ARHGAP42: variants seen among roughly 807,000 people sequenced by gnomAD.
ARHGAP42 encodes the protein rho GTPase-activating protein 42.
Under a neutral mutation model 125.0 loss-of-function variants are expected in ARHGAP42, and 63 were observed. The observed-to-expected ratio is 0.50, with a 90% CI of 0.41 to 0.62. The LOEUF is 0.62. Ranked by LOEUF, ARHGAP42 falls within the 20% of genes least tolerant of loss-of-function variation. ARHGAP42 has a pLI of 0.00. For synonymous variants in ARHGAP42, 339 were observed against 351.0 expected (o/e 0.97, Z 0.38); for missense variants, 766 against 1,024.2 (o/e 0.75, Z 3.44).
At chr11:100,978,932 A>C (rs762830140) in intron 21 of ARHGAP42, 55 bp from the exon 22 acceptor site, 1 of 1,521,296 alleles carries the variant, frequency 6.6e-7, no homozygotes, top group Non-Finnish European at 8.9e-7. Context: ...TTTCACTTTG[A>C]GCAGAACTGA....
intron 8 of ARHGAP42, 69 bp from the exon 9 acceptor site, chr11:100,941,715 A>C (rs143636655): frequency 0.014 from 13,007 of 907,628 alleles, 111 homozygotes; most frequent in Non-Finnish European, 0.017. Flanking sequence ...ATAGCACTGG[A>C]GAATGTGCAA....
intron 6 of ARHGAP42, among the ~76,000 whole-genome samples, chr11:100,927,047 T>A (rs1867445680): frequency 6.6e-6 from 1 of 152,212 alleles, no homozygotes; most frequent in Admixed American, 6.5e-5. Flanking sequence ...TTGATGCTCT[T>A]CCCTTGGACT....
chr11:100,775,275 T>C (rs923210583), intron 2 of ARHGAP42, among the ~76,000 whole-genome samples: 2 of 152,102 alleles, frequency 1.3e-5, no homozygotes, highest in Non-Finnish European at 2.9e-5. Context: ...AGTACAGTGC[T>C]AGACACGCGG....
chr11:100,882,702 A>T (rs942182536), intron 4 of ARHGAP42, among the ~76,000 whole-genome samples: 1 of 152,008 alleles, frequency 6.6e-6, no homozygotes, highest in Non-Finnish European at 1.5e-5. Context: ...GCCTGATCGA[A>T]TTCAACTGTG....
At chr11:100,720,893 G>A (rs1200056890) in intron 1 of ARHGAP42, among the ~76,000 whole-genome samples, 6 of 151,608 alleles carry the variant, frequency 4.0e-5, no homozygotes, top group Non-Finnish European at 5.9e-5. Context: ...TTTAAAAATA[G>A]AATAATATGG....
chr11:100,866,210 C>G (rs1865566269), intron 4 of ARHGAP42, among the ~76,000 whole-genome samples: 1 of 152,110 alleles, frequency 6.6e-6, no homozygotes, highest in African/African-American at 2.4e-5. Flanking sequence ...GAGATTGCAG[C>G]AATTCAGTCT....
chr11:100,726,145 A>G (rs1313320655), intron 1 of ARHGAP42, among the ~76,000 whole-genome samples: 1 of 152,144 alleles, frequency 6.6e-6, no homozygotes, highest in Non-Finnish European at 1.5e-5. Context: ...AGAAATGAAA[A>G]TAAAAGGTTG....
At chr11:100,978,222 G>A (rs1858440569) in intron 21 of ARHGAP42, among the ~76,000 whole-genome samples, 1 of 152,130 alleles carries the variant, frequency 6.6e-6, no homozygotes, top group Non-Finnish European at 1.5e-5. Context: ...TGATTAAAGT[G>A]TGTGTTCTAT....
chr11:100,970,150 G>T (rs769072828), intron 17 of ARHGAP42, among the ~76,000 whole-genome samples: 1 of 151,902 alleles, frequency 6.6e-6, no homozygotes, highest in Admixed American at 6.6e-5. Context: ...CACCACACCC[G>T]GCTAATTTTG....
intron 4 of ARHGAP42, among the ~76,000 whole-genome samples, chr11:100,875,750 G>A (rs1179024548): frequency 4.6e-5 from 5 of 109,434 alleles, no homozygotes; most frequent in East Asian, 5.4e-4. Flanking sequence ...ACATGGCCAC[G>A]TCCAGGGTGG....
chr11:100,940,870 G>T (rs1437140619), intron 8 of ARHGAP42, among the ~76,000 whole-genome samples: 1 of 152,096 alleles, frequency 6.6e-6, no homozygotes, highest in East Asian at 1.9e-4. Flanking sequence ...AACATCACAT[G>T]TTCCTGCTCA....
intron 1 of ARHGAP42, among the ~76,000 whole-genome samples, chr11:100,728,549 A>G (rs1367873381): frequency 1.3e-5 from 2 of 151,900 alleles, no homozygotes; most frequent in African/African-American, 4.8e-5. Context: ...TATTTGAGGA[A>G]TAATTGTAGC....
intron 1 of ARHGAP42, among the ~76,000 whole-genome samples, chr11:100,731,943 T>C (rs1003346048): frequency 6.8e-6 from 1 of 147,220 alleles, no homozygotes; most frequent in Admixed American, 6.7e-5. Context: ...TATATTTAAC[T>C]CTTTTTTTTT....
intron 12 of ARHGAP42, among the ~76,000 whole-genome samples, chr11:100,951,362 C>A (rs1237690594): frequency 1.3e-5 from 2 of 151,980 alleles, no homozygotes; most frequent in Non-Finnish European, 2.9e-5. Context: ...GATACATTAA[C>A]CAAATGGTGA....
chr11:100,968,506 T>C lies in ARHGAP42; in HGVS notation c.1550+2730T>C, dbSNP rs577573150. Among the ~76,000 whole-genome samples, 129 of 152,266 alleles carry C rather than the reference T, an allele frequency of 8.5e-4. 1 individual carries two copies. In the Middle Eastern group the frequency reaches 0.01, roughly 12 times the overall value. ...TTTACATAATTCTGTTTCCTCTTTC[T>C]CCTTTTTGTGCTATCATTAATAAAC... On this transcript the variant is annotated intron_variant, in intron 17 of 23. Coordinates refer to ENST00000298815, the MANE Select transcript of ARHGAP42 (RefSeq NM_152432.4).
chr11:100,889,201 G>A (rs1247293710), intron 4 of ARHGAP42, among the ~76,000 whole-genome samples: 2 of 152,176 alleles, frequency 1.3e-5, no homozygotes, highest in African/African-American at 4.8e-5. Context: ...AGAAATAAAT[G>A]AAGATTAAAG....
chr11:100,888,001 G>C (rs1447770029), intron 4 of ARHGAP42, among the ~76,000 whole-genome samples: 7 of 152,154 alleles, frequency 4.6e-5, no homozygotes, highest in African/African-American at 1.7e-4. Context: ...CAGCAAGGAG[G>C]TTTCTAAGAA....
At chr11:100,939,473 G>C (rs1591309052) in intron 8 of ARHGAP42, among the ~76,000 whole-genome samples, 1 of 152,074 alleles carries the variant, frequency 6.6e-6, no homozygotes, top group Non-Finnish European at 1.5e-5. Flanking sequence ...TCAGTCACAT[G>C]CCCTATTGAT....
rs1174787424 is a variant in ARHGAP42, at chr11:100,960,984, C to T, written c.1295C>T (p.Thr432Ile). 5.2e-6 allele frequency: 8 copies of T among 1,535,520 alleles called. No individual in the cohort carries two copies. Among genetic ancestry groups the T allele is most frequent in the Non-Finnish European group, 6.1e-6 (7 of 1,139,146 alleles). The stretch of plus-strand genomic sequence containing the variant: ...AAAGTTCAAAAACTCATGAATACCA[C>T]ATTTTGTAAGTTTTGGATGAAGCAA... ...NSKVQKLMNT[T>I]FSPKSPPDID... The change falls in exon 14 of 24, where the codon ACA (threonine) becomes ATA (isoleucine). Residue 432 changes from threonine (T) to isoleucine (I), a missense_variant. This residue lies in a region of ARHGAP42 where 455 missense variants were observed against 636.5 expected (regional missense o/e 0.71). Coordinates refer to ENST00000298815, the MANE Select transcript of ARHGAP42 (RefSeq NM_152432.4).
Sources: allele counts gnomAD v4.1 joint callset (sites outside exome capture counted in the v4.1 genomes callset), GRCh38; gene constraint gnomAD v4.1.1; regional missense constraint gnomAD v4.1.1; transcripts MANE v1.5; gene names NCBI Gene and HGNC (gene_info 2026-07-23, HGNC 2026-07-21).